SYNPR: variants seen among roughly 807,000 people sequenced by gnomAD.
SYNPR encodes the protein synaptoporin.
A neutral mutation model predicts 32.9 loss-of-function variants in SYNPR; 23 were observed. The ratio of observed to expected loss-of-function variants is 0.70; its 90% confidence interval spans 0.50 to 0.99. The LOEUF is 0.99. Ranked by LOEUF, SYNPR falls within the 50% of genes least tolerant of loss-of-function variation. SYNPR has a pLI of 0.00. For missense variants in SYNPR, 318 were observed against 349.3 expected (o/e 0.91, Z 0.71); for synonymous variants, 146 against 135.9 (o/e 1.07, Z -0.52).
intron 2 of SYNPR, among the ~76,000 whole-genome samples, chr3:63,392,686 C>A (rs979505098): frequency 1.3e-5 from 2 of 152,208 alleles, no homozygotes; most frequent in African/African-American, 4.8e-5. Context: ...GGGAAACTGT[C>A]ATTTTTTTTC....
chr3:63,480,227 A>G (rs909445301), intron 2 of SYNPR, among the ~76,000 whole-genome samples: 1 of 152,138 alleles, frequency 6.6e-6, no homozygotes, highest in Non-Finnish European at 1.5e-5. Flanking sequence ...GTTGACTTAG[A>G]AACAGCAACC....
intron 2 of SYNPR, among the ~76,000 whole-genome samples, chr3:63,339,071 C>T (rs564863442): frequency 4.6e-4 from 70 of 152,312 alleles, no homozygotes; most frequent in South Asian, 2.5e-3. Flanking sequence ...TTCTTAGATT[C>T]ACCTCTATTA....
At chr3:63,394,999 C>A (rs2088192609) in intron 2 of SYNPR, among the ~76,000 whole-genome samples, 1 of 152,098 alleles carries the variant, frequency 6.6e-6, no homozygotes, top group Non-Finnish European at 1.5e-5. Context: ...ATATATACCA[C>A]CCTATGAAAA....
intron 3 of SYNPR, among the ~76,000 whole-genome samples, chr3:63,483,138 T>A (rs1701078852): frequency 6.6e-6 from 1 of 152,222 alleles, no homozygotes; most frequent in Non-Finnish European, 1.5e-5. Flanking sequence ...AATGTTCATA[T>A]AAATACACAA....
At chr3:63,451,152 G>T (rs1213252908) in intron 2 of SYNPR, among the ~76,000 whole-genome samples, 2 of 152,190 alleles carry the variant, frequency 1.3e-5, no homozygotes, top group African/African-American at 4.8e-5. Flanking sequence ...TTATGAAGAA[G>T]ATTGCTGTCA....
Position 63,465,849 on chromosome 3 carries a change from A to G in SYNPR, c.85-14983A>G, listed in dbSNP as rs115383754. On this transcript the variant is annotated intron_variant, in intron 2 of 5. Coordinates refer to ENST00000478300, the MANE Select transcript of SYNPR (RefSeq NM_001130003.2). ...TATTTTTATAGTTTATTGAATCTAA[A>G]TTTTTTTTTTAATTCACACATTGTA... 4.6e-3 allele frequency among the ~76,000 whole-genome samples: 698 copies of G among 151,120 alleles called. 8 individuals are homozygous for G. Among genetic ancestry groups the G allele is most frequent in the Non-Finnish European group, 6.4e-3 (432 of 67,684 alleles).
At chr3:63,274,968 A>G (rs528606413), upstream of SYNPR, among the ~76,000 whole-genome samples, 7 of 152,236 alleles carry the variant, frequency 4.6e-5, no homozygotes, top group Non-Finnish European at 1.0e-4. Flanking sequence ...TTGGCATATC[A>G]AAGGAAGTAT....
At chr3:63,257,257 A>G (rs1041986036) in intron 2 of SYNPR, among the ~76,000 whole-genome samples, 2 of 152,304 alleles carry the variant, frequency 1.3e-5, no homozygotes, top group African/African-American at 2.4e-5. Context: ...ACTCCAAGAC[A>G]CATAATTGTC....
chr3:63,270,837 T>G (rs540259018), intron 3 of SYNPR, among the ~76,000 whole-genome samples: 9 of 151,896 alleles, frequency 5.9e-5, no homozygotes, highest in Non-Finnish European at 1.3e-4. Flanking sequence ...GATCATGGTT[T>G]AGAGAAAAAA....
chr3:63,209,671 A>G, the SYNPR span, among the ~76,000 whole-genome samples: 6 of 152,046 alleles, frequency 3.9e-5, no homozygotes, highest in Non-Finnish European at 8.8e-5. Flanking sequence ...CCCTCTCCCT[A>G]TTTACCTCGT....
intron 4 of SYNPR, among the ~76,000 whole-genome samples, chr3:63,561,753 A>G (rs142381351): frequency 1.7e-4 from 26 of 152,292 alleles, no homozygotes; most frequent in Non-Finnish European, 3.5e-4. Context: ...AAATTTTAAA[A>G]TGGCCAGGAT....
At chr3:63,474,533 T>C (rs1405740150) in intron 2 of SYNPR, among the ~76,000 whole-genome samples, 3 of 152,084 alleles carry the variant, frequency 2.0e-5, no homozygotes, top group Admixed American at 2.0e-4. Flanking sequence ...CTGGCCCAAG[T>C]GAGTACCTTG....
At chr3:63,516,587 C>T (rs1306051660) in intron 3 of SYNPR, among the ~76,000 whole-genome samples, 1 of 152,066 alleles carries the variant, frequency 6.6e-6, no homozygotes. Context: ...GAAGTCTCAC[C>T]TTTATTTTAT....
At chr3:63,230,814 C>A (rs1575570710) in intron 1 of SYNPR, among the ~76,000 whole-genome samples, 1 of 152,096 alleles carries the variant, frequency 6.6e-6, no homozygotes, top group East Asian at 1.9e-4. Context: ...TTATCTCAGT[C>A]CCTGAAACTT....
At chr3:63,261,316 C>CAAA (rs1173116273) in intron 2 of SYNPR, among the ~76,000 whole-genome samples, 1 of 151,882 alleles carries the variant, frequency 6.6e-6, no homozygotes, top group Non-Finnish European at 1.5e-5. Context: ...GGAACCAAGC[C>CAAA]AAATGTCCAA....
At chr3:63,312,762 A>C (rs2086981530) in intron 2 of SYNPR, among the ~76,000 whole-genome samples, 1 of 151,928 alleles carries the variant, frequency 6.6e-6, no homozygotes, top group Non-Finnish European at 1.5e-5. Context: ...TAAGCTCCCT[A>C]AAGCTTGCTC....
At chr3:63,269,856 C>T (rs1290872546) in intron 3 of SYNPR, among the ~76,000 whole-genome samples, 1 of 152,176 alleles carries the variant, frequency 6.6e-6, no homozygotes, top group Admixed American at 6.6e-5. Flanking sequence ...TTTCTACCTT[C>T]AAGGAGATCA....
At chr3:63,515,801 G>A (rs2106762375) in intron 3 of SYNPR, among the ~76,000 whole-genome samples, 1 of 152,210 alleles carries the variant, frequency 6.6e-6, no homozygotes, top group East Asian at 1.9e-4. Flanking sequence ...GTTTGTATGT[G>A]TATATATACT....
chr3:63,274,207 G>A (rs2086557544), upstream of SYNPR, among the ~76,000 whole-genome samples: 1 of 151,692 alleles, frequency 6.6e-6, no homozygotes, highest in African/African-American at 2.4e-5. Context: ...TTAGTTTTTT[G>A]TCTTTGTCAC....
Sources: allele counts gnomAD v4.1 joint callset (sites outside exome capture counted in the v4.1 genomes callset), GRCh38; gene constraint gnomAD v4.1.1; transcripts MANE v1.5; gene names NCBI Gene and HGNC (gene_info 2026-07-23, HGNC 2026-07-21).